GPC3: variants seen among roughly 807,000 people sequenced by gnomAD.
GPC3 encodes glypican-3.
In GPC3, 3 loss-of-function variants were observed where a neutral mutation model predicts 34.4. The ratio of observed to expected loss-of-function variants is 0.09; its 90% CI spans 0.04 to 0.23. The LOEUF (loss-of-function observed/expected upper bound fraction) is 0.23. Ranked by LOEUF, GPC3 falls within the 10% of genes least tolerant of loss-of-function variation. GPC3 has a pLI of 1.00. For missense variants in GPC3, 351 were observed against 445.6 expected (o/e 0.79, Z 1.91); for synonymous variants, 177 against 174.0 (o/e 1.02, Z -0.13).
chrX:133,788,088 T>TTATATATATATATATATATATA (rs56318773), intron 2 of GPC3, among the ~76,000 whole-genome samples: 20 of 64,913 alleles, frequency 3.1e-4, no homozygotes, highest in East Asian at 1.9e-3. Context: ...TCATATTATT[T>TTATATATATATATATATATATA]TATATATATA....
intron 6 of GPC3, among the ~76,000 whole-genome samples, chrX:133,658,242 C>G (rs2070684327): frequency 1.8e-5 from 2 of 112,070 alleles, no homozygotes; most frequent in Non-Finnish European, 3.8e-5. Context: ...CCATTAATGG[C>G]TTTCTGCCTC....
intron 7 of GPC3, among the ~76,000 whole-genome samples, chrX:133,548,797 C>G (rs1200485353): frequency 9.0e-6 from 1 of 110,817 alleles, no homozygotes; most frequent in East Asian, 2.9e-4. Flanking sequence ...ATGAATAAGT[C>G]TCATGAGATC....
chrX:133,629,646 G>A (rs752879295), intron 6 of GPC3, among the ~76,000 whole-genome samples: 5 of 108,326 alleles, frequency 4.6e-5, no homozygotes, highest in South Asian at 8.4e-4. Context: ...TGCCTGCCTC[G>A]GCCTCCCAAA....
rs2070092086 is a variant in GPC3 at position 133,609,910 on chromosome X, G to A, written c.1414-13311C>T. On this transcript the variant is annotated intron_variant, in intron 6 of 7. Coordinates refer to ENST00000370818, the MANE Select transcript of GPC3 (RefSeq NM_004484.4). ...CTTGCCTTGGGGTAGCATAGCTTGG[G>A]TTAATTTCACTTCTCTGAAATAAGT... is the stretch of plus-strand genomic sequence containing the variant. 2.7e-5 allele frequency among the ~76,000 whole-genome samples: 3 copies of A among 112,109 alleles called. No homozygotes were observed. The South Asian group carries it at 1.1e-3, about 42-fold the overall frequency.
chrX:133,668,261 TA>T (rs2070789695), intron 5 of GPC3, among the ~76,000 whole-genome samples: 1 of 111,707 alleles, frequency 9.0e-6, no homozygotes, highest in Non-Finnish European at 1.9e-5. Flanking sequence ...AAAAAGATAG[TA>T]TATTAGTGAG....
intron 2 of GPC3, among the ~76,000 whole-genome samples, chrX:133,932,168 C>G (rs916360535): frequency 3.6e-5 from 4 of 112,348 alleles, no homozygotes; most frequent in Non-Finnish European, 5.6e-5. Context: ...AACTGTATCA[C>G]CTCCCAAGAG....
chrX:133,628,433 A>G (rs1323625676), intron 6 of GPC3, among the ~76,000 whole-genome samples: 1 of 111,694 alleles, frequency 9.0e-6, no homozygotes, highest in Non-Finnish European at 1.9e-5. Flanking sequence ...AGGCGGGCAG[A>G]TCACCTGAGG....
intron 3 of GPC3, among the ~76,000 whole-genome samples, chrX:133,728,480 T>C (rs1013789441): frequency 1.6e-4 from 18 of 112,454 alleles, no homozygotes; most frequent in African/African-American, 5.2e-4. Context: ...GAAGTCATCA[T>C]ATGAATCTCT....
In GPC3 at chrX:133,689,366, C is replaced by T. The variant is rs183808386; in HGVS notation, c.1292+3003G>A. Among the ~76,000 whole-genome samples, 148 of 111,605 alleles carry T rather than the reference C, an allele frequency of 1.3e-3. 2 individuals carry two copies. In the East Asian group the frequency reaches 0.016, roughly 12 times the overall value. On this transcript the variant is annotated intron_variant, in intron 5 of 7. Coordinates refer to ENST00000370818, the MANE Select transcript of GPC3 (RefSeq NM_004484.4). ...TAGTTCTTTTAATGATATAAAAGTACATTTGGCTAACTTTTGGACTCATTC... is the reference window on the plus strand; with the variant it reads ...TAGTTCTTTTAATGATATAAAAGTATATTTGGCTAACTTTTGGACTCATTC...
chrX:133,792,109 C>A (rs745779215), intron 2 of GPC3, among the ~76,000 whole-genome samples: 2 of 109,775 alleles, frequency 1.8e-5, no homozygotes. Flanking sequence ...AAACTCCTGG[C>A]CTCAAGGGAT....
chrX:133,743,676 T>C (rs1043190226), intron 3 of GPC3, among the ~76,000 whole-genome samples: 6 of 112,409 alleles, frequency 5.3e-5, no homozygotes, highest in Non-Finnish European at 1.1e-4. Context: ...CAGGGGCTTT[T>C]CTGCCCCCAC....
At chrX:133,635,671 C>A in intron 6 of GPC3, among the ~76,000 whole-genome samples, 1 of 110,528 alleles carries the variant, frequency 9.0e-6, no homozygotes, top group East Asian at 2.8e-4. Context: ...GATTTAAGGT[C>A]AGAAAACCTG....
intron 7 of GPC3, among the ~76,000 whole-genome samples, chrX:133,562,832 G>GGACC (rs972002502): frequency 9.0e-6 from 1 of 110,735 alleles, no homozygotes; most frequent in Non-Finnish European, 1.9e-5. Context: ...GGATCTGGAG[G>GGACC]GACCGCATGA....
rs1007734085 is a variant in GPC3, at chrX:133,583,185, T to C, written c.1573+13255A>G. 7.2e-5 allele frequency among the ~76,000 whole-genome samples: 8 copies of C among 110,908 alleles called. No homozygotes were observed. In the East Asian group the frequency reaches 1.1e-3, roughly 16 times the overall value. On this transcript the variant is annotated intron_variant, in intron 7 of 7. Transcript: ENST00000370818. ...CTTTCCCCCAGCCTGAAAAATGGCC[T>C]CATTGGTTTGCTCCACCATATTGAT...
chrX:133,600,788 T>C lies in GPC3; in HGVS notation c.1414-4189A>G, dbSNP rs756825348. On this transcript the variant is annotated intron_variant, in intron 6 of 7. Transcript: ENST00000370818. ...ACAATATTGACCTTTCTGTTCCCTC[T>C]CTCAGTCTTTCAGACTGAACACTAA... is the stretch of plus-strand genomic sequence containing the variant. Among the ~76,000 whole-genome samples the C allele has an allele frequency of 8.1e-5, 9 of 111,801 alleles. No homozygotes were observed. The East Asian group carries it at 2.5e-3, about 32-fold the overall frequency.
At chrX:133,630,383 T>C (rs2124369953) in intron 6 of GPC3, among the ~76,000 whole-genome samples, 1 of 111,905 alleles carries the variant, frequency 8.9e-6, no homozygotes, top group East Asian at 2.8e-4. Context: ...TTAAATCTAC[T>C]AGCAAACTCT....
chrX:133,751,398 T>G (rs767843547), intron 3 of GPC3, among the ~76,000 whole-genome samples: 4 of 112,226 alleles, frequency 3.6e-5, no homozygotes, highest in Non-Finnish European at 7.5e-5. Flanking sequence ...GAACCTGGCC[T>G]TGAATTGTGA....
chrX:133,952,442 G>A (rs968451783), intron 2 of GPC3, among the ~76,000 whole-genome samples: 1 of 112,087 alleles, frequency 8.9e-6, no homozygotes, highest in Non-Finnish European at 1.9e-5. Context: ...AGAATTGAAG[G>A]AGGTACTCCC....
At chrX:133,847,084 A>G (rs2075850064) in intron 2 of GPC3, among the ~76,000 whole-genome samples, 2 of 112,054 alleles carry the variant, frequency 1.8e-5, no homozygotes, top group South Asian at 7.5e-4. Context: ...ATATGTATAC[A>G]TACATATAAC....
Sources: gnomAD v4.1 joint callset for allele counts (sites outside exome capture counted in the v4.1 genomes callset) on GRCh38, gnomAD v4.1.1 for gene constraint, MANE v1.5 for transcripts, NCBI Gene and HGNC (gene_info 2026-07-23, HGNC 2026-07-21) for gene names.